Variants in SMPD3 observed in about 807,000 individuals in gnomAD.
SMPD3 encodes sphingomyelin phosphodiesterase 3, also known as nSMase-2.
SMPD3 carries 21 observed loss-of-function variants against 55.7 expected under a neutral mutation model. The observed-to-expected ratio is 0.38, with a 90% CI of 0.27 to 0.54. The LOEUF is 0.54. SMPD3 is among the 20% of genes least tolerant of loss of function. The pLI is 0.80. For missense variants in SMPD3, 842 were observed against 899.6 expected (o/e 0.94, Z 0.82); for synonymous variants, 457 against 404.3 (o/e 1.13, Z -1.56).
chr16:68,403,237 C>T (rs923069885), intron 1 of SMPD3, among the ~76,000 whole-genome samples: 4 of 152,246 alleles, frequency 2.6e-5, no homozygotes, highest in South Asian at 2.1e-4. Flanking sequence ...AACATCACCA[C>T]TTAACTCATT....
At position 68,363,769 on chromosome 16, in the gene SMPD3, C is replaced by T; in HGVS notation, c.1645+8G>A. 1 of 1,558,518 alleles carries T rather than the reference C, an allele frequency of 6.4e-7. No homozygotes were observed. The highest frequency in any genetic ancestry group is 8.7e-7 in the Non-Finnish European group (1 of 1,151,838). On this transcript the variant is annotated splice_region_variant and intron_variant, in intron 6 of 8. Coordinates refer to ENST00000219334, the MANE Select transcript of SMPD3 (RefSeq NM_018667.4). ...AGCTCCCATCCTCCTCCCCCAGCCC[C>T]AGCTCACCGATGGCCCACGGCTTCT...
intron 1 of SMPD3, among the ~76,000 whole-genome samples, chr16:68,400,296 G>C (rs183200666): frequency 9.2e-5 from 14 of 152,324 alleles, no homozygotes; most frequent in African/African-American, 2.2e-4. Flanking sequence ...GTCCAGCCCA[G>C]CTCTGCCAGG....
At chr16:68,374,634 T>G (rs2089763088) in intron 2 of SMPD3, among the ~76,000 whole-genome samples, 1 of 152,140 alleles carries the variant, frequency 6.6e-6, no homozygotes, top group South Asian at 2.1e-4. Context: ...ACTCCCTCAT[T>G]CTTTCTCTAA....
At chr16:68,361,442 G>A in intron 8 of SMPD3, 135 bp from the exon 9 acceptor site, 3 of 1,362,484 alleles carry the variant, frequency 2.2e-6, no homozygotes, top group Non-Finnish European at 3.1e-6. Flanking sequence ...AGAGGGATGG[G>A]GCCTGGAGGA....
At chr16:68,387,238 C>A (rs1162160764) in intron 1 of SMPD3, among the ~76,000 whole-genome samples, 2 of 152,030 alleles carry the variant, frequency 1.3e-5, no homozygotes, top group South Asian at 4.1e-4. Flanking sequence ...TGGTGGCTCC[C>A]CCCTTATCTA....
rs940113500 is a variant in SMPD3, at chr16:68,404,539, G to A, written c.-268-17880C>T. On this transcript the variant is annotated intron_variant, in intron 1 of 8. Coordinates refer to ENST00000219334, the MANE Select transcript of SMPD3 (RefSeq NM_018667.4). This position sits in a 1 kb window ranked among gnomAD's most constrained non-coding sequence, Gnocchi z 4.0. ...CTCCATGGGCCTCAGCTTAGCAATT[G>A]TGAGGGTGGGTATGCAGGAGGTGGG... Among the ~76,000 whole-genome samples the A allele has an allele frequency of 6.6e-6, 1 of 152,292 alleles. No individual in the cohort carries two copies. The highest frequency in any genetic ancestry group is 3.4e-3 in the Middle Eastern group (1 of 294).
intron 1 of SMPD3, among the ~76,000 whole-genome samples, chr16:68,406,531 C>T (rs892343795): frequency 3.3e-5 from 5 of 152,138 alleles, no homozygotes; most frequent in East Asian, 1.9e-4. Context: ...GGAAGCCTGT[C>T]GCCCTCGGTA....
At chr16:68,397,809 C>T (rs1046094040) in intron 1 of SMPD3, among the ~76,000 whole-genome samples, 1 of 152,186 alleles carries the variant, frequency 6.6e-6, no homozygotes, top group Non-Finnish European at 1.5e-5. Context: ...TCCCCCCTCC[C>T]CTGGTGGCAG....
chr16:68,448,036 A>G (rs1415935869), intron 1 of SMPD3, among the ~76,000 whole-genome samples: 1 of 152,106 alleles, frequency 6.6e-6, no homozygotes, highest in Non-Finnish European at 1.5e-5. Context: ...CGTCCTGAGT[A>G]ATCCGAGCAG....
At chr16:68,380,056 A>G (rs1431264716) in intron 2 of SMPD3, among the ~76,000 whole-genome samples, 3 of 152,220 alleles carry the variant, frequency 2.0e-5, no homozygotes, top group African/African-American at 7.2e-5. Flanking sequence ...GAGTTTGAAG[A>G]CCTGACTGCC....
At chr16:68,400,940 C>T (rs186811085) in intron 1 of SMPD3, among the ~76,000 whole-genome samples, 3 of 152,218 alleles carry the variant, frequency 2.0e-5, no homozygotes, top group Non-Finnish European at 4.4e-5. Context: ...AAACAATAAT[C>T]AGATTATTGG....
chr16:68,366,655 C>T (rs1204026394), intron 3 of SMPD3, among the ~76,000 whole-genome samples: 1 of 152,200 alleles, frequency 6.6e-6, no homozygotes, highest in Non-Finnish European at 1.5e-5. Flanking sequence ...CACCTGAGTT[C>T]AGGAGTTCGA....
chr16:68,381,999 C>T (rs1345932778), intron 2 of SMPD3: 1 of 152,228 alleles, frequency 6.6e-6, no homozygotes, highest in Non-Finnish European at 1.5e-5. Flanking sequence ...AGGCGGTAGG[C>T]TCACTCCTCA....
intron 1 of SMPD3, among the ~76,000 whole-genome samples, chr16:68,399,078 G>T (rs942356707): frequency 6.6e-6 from 1 of 152,212 alleles, no homozygotes; most frequent in Non-Finnish European, 1.5e-5. Flanking sequence ...TGAACAAAGA[G>T]AGCAAATCCT....
chr16:68,377,118 G>A (rs2089836146), intron 2 of SMPD3, among the ~76,000 whole-genome samples: 1 of 152,238 alleles, frequency 6.6e-6, no homozygotes, highest in African/African-American at 2.4e-5. Flanking sequence ...GACTGTCCCA[G>A]AGCGCCTTCA....
At chr16:68,415,745 A>T (rs1412859056) in intron 1 of SMPD3, among the ~76,000 whole-genome samples, 7 of 151,882 alleles carry the variant, frequency 4.6e-5, no homozygotes, top group Admixed American at 2.0e-4. Flanking sequence ...AATCTAATTT[A>T]AAAAGATCTA....
chr16:68,372,299 C>T lies in SMPD3; in HGVS notation c.-118G>A, dbSNP rs903730062. 1.1e-5 allele frequency: 14 copies of T among 1,302,344 alleles called. No homozygotes were observed. The highest frequency in any genetic ancestry group is 1.0e-4 in the African/African-American group (7 of 68,258). The allele number at this position is 1,302,344 out of a possible 1,614,324, so 80.7% of individuals were successfully genotyped here. On this transcript the variant is annotated 5_prime_UTR_variant, in exon 3 of 9. Transcript: ENST00000219334. Reference sequence around the variant, plus strand: ...AGCTGGAGGAGGGGTCACCTCCTGGCGAGATGCAACTCCGGCTGGTCAATG... The same window carrying T: ...AGCTGGAGGAGGGGTCACCTCCTGGTGAGATGCAACTCCGGCTGGTCAATG...
chr16:68,366,725 G>C (rs1165342533), intron 3 of SMPD3, among the ~76,000 whole-genome samples: 1 of 152,152 alleles, frequency 6.6e-6, no homozygotes, highest in Non-Finnish European at 1.5e-5. Context: ...AATTAGCCGG[G>C]TGTGCTGGGC....
At position 68,371,688 on chromosome 16, in the gene SMPD3, G is replaced by C. The variant is rs2089674866; in HGVS notation, c.494C>G (p.Pro165Arg). 1 of 1,572,504 alleles carries C rather than the reference G, an allele frequency of 6.4e-7. No homozygotes were observed. Among genetic ancestry groups the C allele is most frequent in the Non-Finnish European group, 8.6e-7 (1 of 1,159,548 alleles). ...GGAGTCGATGTAAATTTTGATCTGG[G>C]GCCGGGCGGCCCCATTGCGGATTCT... ...GQRIRNGAAR[P>R]QIKIYIDSPT... The change falls in exon 3 of 9, where the codon CCC becomes CGC. Residue 165 changes from proline (P) to arginine (R), a missense_variant. This residue lies in a region of SMPD3 where 193 missense variants were observed against 256.0 expected (regional missense o/e 0.75). Transcript: ENST00000219334.
Sources: gnomAD v4.1 joint callset for allele counts (sites outside exome capture counted in the v4.1 genomes callset) on GRCh38, gnomAD v4.1.1 for gene constraint, gnomAD v4.1.1 regional missense constraint, Gnocchi (gnomAD v3.1) non-coding constraint, MANE v1.5 for transcripts, NCBI Gene and HGNC (gene_info 2026-07-23, HGNC 2026-07-21) for gene names.